The following CACNA1C variants were observed in gnomAD, a reference collection of about 807,000 sequenced individuals.
The protein encoded by CACNA1C is calcium voltage-gated channel subunit alpha1 C.
A neutral mutation model predicts 229.0 loss-of-function variants in CACNA1C; 30 were observed. That is an observed-to-expected ratio of 0.13 (90% CI 0.10 to 0.18). CACNA1C has a LOEUF of 0.18. Among genes scored for constraint, CACNA1C ranks in the 10% least tolerant of loss-of-function variants. The probability of loss-of-function intolerance (pLI) is 1.00; values close to 1 mark genes in which losing one functional copy is unlikely to be tolerated. For synonymous variants in CACNA1C, 1,114 were observed against 1,132.5 expected (o/e 0.98, Z 0.33); for missense variants, 1,658 against 2,845.0 (o/e 0.58, Z 9.49).
chr12:2,350,898 G>A (rs531545877), intron 3 of CACNA1C, among the ~76,000 whole-genome samples: 9 of 152,150 alleles, frequency 5.9e-5, no homozygotes, highest in African/African-American at 1.7e-4. Context: ...AGGACCTGTC[G>A]AATCAAGCAA....
rs201550647 is a variant in CACNA1C, at chr12:2,094,932, T to C, written c.50-20292T>C. On this transcript the variant is annotated intron_variant, in intron 1 of 46. Transcript: ENST00000399655. ...CTTTAACAATAACAAAATGAGACCA[T>C]TTAATGACTACTTCCCCCTGAGAAC... is the stretch of plus-strand genomic sequence containing the variant. Among the ~76,000 whole-genome samples the C allele has an allele frequency of 2.0e-5, 3 of 152,302 alleles. No homozygotes were observed. In the East Asian group the frequency reaches 5.8e-4, roughly 29 times the overall value.
In CACNA1C at chr12:2,053,467, G is replaced by A; in HGVS notation, c.-96G>A. On this transcript the variant is annotated 5_prime_UTR_variant, in exon 1 of 47. Coordinates refer to ENST00000399655, the MANE Select transcript of CACNA1C (RefSeq NM_000719.7). The surrounding 1 kb of genome is among the most constrained non-coding windows in gnomAD (Gnocchi z 5.8). ...CCTCGAATCTTGCGCGAAAGCCGCC[G>A]GCCTCGGAGGAGGGATTAATCCAGA... 1.3e-6 allele frequency: 2 copies of A among 1,486,616 alleles called. No individual in the cohort carries two copies. The highest frequency in any genetic ancestry group is 1.3e-5 in the South Asian group (1 of 75,356). 92.1% of individuals were successfully genotyped at this position (1,486,616 alleles called of 1,614,324 possible). A position where few individuals can be genotyped will look rare whatever the true frequency, so the allele number is the denominator to read the frequency against.
intron 3 of CACNA1C, among the ~76,000 whole-genome samples, chr12:2,196,707 A>C (rs1317637695): frequency 2.0e-5 from 3 of 152,250 alleles, no homozygotes; most frequent in Non-Finnish European, 4.4e-5. Context: ...GAAGCGTAAA[A>C]GACGGTTGCT....
intron 3 of CACNA1C, among the ~76,000 whole-genome samples, chr12:2,206,541 G>A (rs1028062187): frequency 2.0e-5 from 3 of 152,192 alleles, no homozygotes; most frequent in African/African-American, 4.8e-5. Context: ...TAGTAACACT[G>A]CCCTCTTTGA....
At chr12:1,984,257 G>T (rs2036999809) in intron 1 of CACNA1C, among the ~76,000 whole-genome samples, 1 of 151,924 alleles carries the variant, frequency 6.6e-6, no homozygotes, top group South Asian at 2.1e-4. Context: ...ACTTGGGTAG[G>T]TCTACCGTTT....
chr12:2,349,264 A>G (rs2097138060), intron 3 of CACNA1C, among the ~76,000 whole-genome samples: 1 of 152,204 alleles, frequency 6.6e-6, no homozygotes, highest in African/African-American at 2.4e-5. Flanking sequence ...ATGAAGTCCC[A>G]TGGTCCTGTG....
chr12:2,450,317 G>T (rs1272262336), intron 4 of CACNA1C, among the ~76,000 whole-genome samples: 2 of 152,050 alleles, frequency 1.3e-5, no homozygotes, highest in African/African-American at 4.8e-5. Context: ...CACTTTGGGA[G>T]GCCAAGGCGG....
intron 1 of CACNA1C, among the ~76,000 whole-genome samples, chr12:2,028,980 G>A (rs2047776850): frequency 6.6e-6 from 1 of 152,174 alleles, no homozygotes; most frequent in Non-Finnish European, 1.5e-5. Flanking sequence ...GGATGACCGT[G>A]GTCATGGATG....
At chr12:2,014,566 A>C (rs1278623858) in intron 1 of CACNA1C, among the ~76,000 whole-genome samples, 2 of 152,206 alleles carry the variant, frequency 1.3e-5, no homozygotes, top group Non-Finnish European at 2.9e-5. Context: ...TGGACACATA[A>C]GCAGGTAATC....
At chr12:2,154,280 G>T (rs1463276252) in intron 3 of CACNA1C, among the ~76,000 whole-genome samples, 1 of 152,200 alleles carries the variant, frequency 6.6e-6, no homozygotes, top group Non-Finnish European at 1.5e-5. Context: ...GGCCGGGGAG[G>T]GACAGGGGAT....
chr12:2,559,736 T>C (rs1484247056), intron 11 of CACNA1C, among the ~76,000 whole-genome samples: 1 of 152,204 alleles, frequency 6.6e-6, no homozygotes, highest in African/African-American at 2.4e-5. Context: ...CACTGTGCCA[T>C]CCTTGTGATG....
intron 3 of CACNA1C, among the ~76,000 whole-genome samples, chr12:2,381,512 C>G (rs1176807278): frequency 6.6e-6 from 1 of 152,206 alleles, no homozygotes; most frequent in Non-Finnish European, 1.5e-5. Context: ...GGAAAGTTCC[C>G]CAGATATGGT....
intron 1 of CACNA1C, among the ~76,000 whole-genome samples, chr12:1,983,183 C>T (rs1031545253): frequency 6.6e-6 from 1 of 150,542 alleles, no homozygotes; most frequent in Non-Finnish European, 1.5e-5. Flanking sequence ...TGATTCTTTT[C>T]AAAGATAATC....
intron 3 of CACNA1C, among the ~76,000 whole-genome samples, chr12:2,237,099 G>T (rs1427623245): frequency 6.6e-6 from 1 of 152,240 alleles, no homozygotes; most frequent in Non-Finnish European, 1.5e-5. Context: ...TGGGGCATAT[G>T]CCAAGTCCAG....
intron 3 of CACNA1C, among the ~76,000 whole-genome samples, chr12:2,428,845 C>A (rs894782129): frequency 6.6e-6 from 1 of 152,198 alleles, no homozygotes; most frequent in South Asian, 2.1e-4. Flanking sequence ...GTGTCCAAGC[C>A]TTGTCACGCT....
chr12:2,188,026 G>A (rs987896684), intron 3 of CACNA1C, among the ~76,000 whole-genome samples: 6 of 152,190 alleles, frequency 3.9e-5, no homozygotes, highest in African/African-American at 1.4e-4. Context: ...CAGACACCCA[G>A]CAGCATAAGC....
intron 3 of CACNA1C, among the ~76,000 whole-genome samples, chr12:2,289,578 A>G (rs1007240472): frequency 1.3e-5 from 2 of 152,018 alleles, no homozygotes; most frequent in African/African-American, 4.8e-5. Flanking sequence ...TTGAGTGCCT[A>G]CACTGTGCTG....
intron 3 of CACNA1C, among the ~76,000 whole-genome samples, chr12:2,251,130 C>T (rs1276066537): frequency 2.0e-5 from 3 of 152,212 alleles, no homozygotes; most frequent in Non-Finnish European, 4.4e-5. Context: ...CATTTAGTTT[C>T]TGTCATCAGT....
intron 5 of CACNA1C, among the ~76,000 whole-genome samples, chr12:2,464,237 G>A (rs930123439): frequency 6.6e-6 from 1 of 152,150 alleles, no homozygotes; most frequent in African/African-American, 2.4e-5. Flanking sequence ...CACTCATCAT[G>A]AATGTTTATT....
Sources: allele counts gnomAD v4.1 joint callset (sites outside exome capture counted in the v4.1 genomes callset), GRCh38; gene constraint gnomAD v4.1.1; non-coding constraint Gnocchi (gnomAD v3.1); transcripts MANE v1.5; gene names NCBI Gene and HGNC (gene_info 2026-07-23, HGNC 2026-07-21).